Variants in SQOR observed in about 807,000 individuals in gnomAD.
The protein encoded by SQOR is sulfide quinone oxidoreductase.
In SQOR, 39 loss-of-function variants were observed where a neutral mutation model predicts 48.6. The ratio of observed to expected loss-of-function variants is 0.80; its 90% confidence interval spans 0.62 to 1.05. The LOEUF (loss-of-function observed/expected upper bound fraction) is 1.05. Ranked by LOEUF, SQOR falls within the 50% of genes least tolerant of loss-of-function variation. The pLI is 0.00. For synonymous variants in SQOR, 220 were observed against 206.2 expected (o/e 1.07, Z -0.57); for missense variants, 561 against 559.9 (o/e 1.00, Z -0.02).
At chr15:45,639,966 G>C (rs1179032940) in intron 1 of SQOR, among the ~76,000 whole-genome samples, 1 of 152,188 alleles carries the variant, frequency 6.6e-6, no homozygotes, top group Non-Finnish European at 1.5e-5. Flanking sequence ...ACTATCTCAT[G>C]GTCTTACAAT....
At chr15:45,644,109 G>C (rs941569612) in intron 1 of SQOR, among the ~76,000 whole-genome samples, 1 of 151,852 alleles carries the variant, frequency 6.6e-6, no homozygotes, top group Non-Finnish European at 1.5e-5. Context: ...TTTTTGAGAC[G>C]GAGTCTTGCT....
chr15:45,688,571 G>A (rs1455341516), intron 8 of SQOR, among the ~76,000 whole-genome samples, 167 bp downstream of exon 8: 1 of 151,284 alleles, frequency 6.6e-6, no homozygotes, highest in East Asian at 1.9e-4. Flanking sequence ...GAGTGCAATG[G>A]CACGATCTCA....
At chr15:45,638,056 A>C (rs1341007334) in intron 1 of SQOR, among the ~76,000 whole-genome samples, 2 of 152,260 alleles carry the variant, frequency 1.3e-5, no homozygotes, top group African/African-American at 4.8e-5. Context: ...ATAATAATAA[A>C]GAAAAGTAGA....
chr15:45,669,982 G>A lies in SQOR; in HGVS notation c.459+1G>A. ...CGGAATCCAGCTGGACTATGAGAAG[G>A]TACCGTGTGAAACTGTTTCTGTGTT... is the stretch of plus-strand genomic sequence containing the variant. On this transcript the variant is annotated splice_donor_variant, in intron 4 of 9. Transcript: ENST00000260324. LOFTEE classifies it high-confidence loss of function. 1 of 1,613,908 alleles carries A rather than the reference G, an allele frequency of 6.2e-7. No homozygotes were observed. Among genetic ancestry groups the A allele is most frequent in the Non-Finnish European group, 8.5e-7 (1 of 1,179,814 alleles).
At chr15:45,659,988 G>A (rs1358189327) in intron 2 of SQOR, among the ~76,000 whole-genome samples, 5 of 152,220 alleles carry the variant, frequency 3.3e-5, no homozygotes, top group Non-Finnish European at 5.9e-5. Context: ...AAAGCTGTCA[G>A]TGGGCTTAGA....
At chr15:45,682,900 G>A (rs1301568196) in intron 7 of SQOR, among the ~76,000 whole-genome samples, 6 of 151,868 alleles carry the variant, frequency 4.0e-5, no homozygotes, top group Non-Finnish European at 8.8e-5. Flanking sequence ...TGTGGTGGGC[G>A]CCTGCAATCC....
chr15:45,687,181 C>T (rs1890240363), intron 7 of SQOR, among the ~76,000 whole-genome samples: 1 of 152,106 alleles, frequency 6.6e-6, no homozygotes, highest in African/African-American at 2.4e-5. Context: ...GGGTGGAGTG[C>T]AGTGGTGCCA....
At chr15:45,680,556 C>G (rs1595508885) in intron 6 of SQOR, among the ~76,000 whole-genome samples, 1 of 151,978 alleles carries the variant, frequency 6.6e-6, no homozygotes, top group African/African-American at 2.4e-5. Context: ...GCTGGGACAA[C>G]AGGCATGTGC....
At chr15:45,655,246 T>TTGC (rs1258183712) in intron 1 of SQOR, among the ~76,000 whole-genome samples, 2 of 152,200 alleles carry the variant, frequency 1.3e-5, no homozygotes, top group African/African-American at 4.8e-5. Flanking sequence ...TCCTCCTAGA[T>TTGC]TGCTCCTCCT....
intron 3 of SQOR, among the ~76,000 whole-genome samples, chr15:45,665,260 G>A (rs1235398397): frequency 1.3e-5 from 2 of 152,248 alleles, no homozygotes; most frequent in Non-Finnish European, 2.9e-5. Context: ...GGGCAGAGAA[G>A]TTGGTGCAAT....
intron 8 of SQOR, 117 bp downstream of exon 8, chr15:45,688,521 T>C: frequency 3.7e-6 from 3 of 803,582 alleles, no homozygotes; most frequent in Non-Finnish European, 5.6e-6. Context: ...TTTTCTTTTT[T>C]TTTTTTTTGA....
At position 45,682,529 on chromosome 15, in the gene SQOR, A is replaced by G. The variant is rs749032775; in HGVS notation, c.916A>G (p.Thr306Ala). 1 of 1,614,176 alleles carries G rather than the reference A, an allele frequency of 6.2e-7. No individual in the cohort carries two copies. The highest frequency in any genetic ancestry group is 8.5e-7 in the Non-Finnish European group (1 of 1,180,040). ...AATGAGCCCACCAGATGTCCTCAAG[A>G]CCAGTCCTGTGGCTGATGCTGCTGG... Reference protein sequence around the residue: ...PPMSPPDVLKTSPVADAAGWV... With the variant: ...PPMSPPDVLKASPVADAAGWV... The change falls in exon 7 of 10, where the codon ACC (threonine) becomes GCC (alanine). Residue 306 changes from threonine (T) to alanine (A), a missense_variant. Thr to Ala is a moderately conservative substitution (Grantham distance 58). Transcript: ENST00000260324.
chr15:45,668,362 A>G (rs1306672094), intron 3 of SQOR, among the ~76,000 whole-genome samples: 2 of 152,160 alleles, frequency 1.3e-5, no homozygotes, highest in Non-Finnish European at 2.9e-5. Flanking sequence ...CCATTCACCC[A>G]CCAAACATTA....
chr15:45,644,389 A>T (rs674568), intron 1 of SQOR, among the ~76,000 whole-genome samples: 39,795 of 151,948 alleles, frequency 0.26, 6,524 homozygotes, highest in East Asian at 0.64. Flanking sequence ...CCTGGCTTTT[A>T]AGATGCCGCC....
intron 9 of SQOR, among the ~76,000 whole-genome samples, chr15:45,690,767 A>T (rs62008318): frequency 0.096 from 14,551 of 152,286 alleles, 887 homozygotes; most frequent in Middle Eastern, 0.21. Flanking sequence ...ATCCAGGCTC[A>T]CACAGCAAGT....
intron 6 of SQOR, among the ~76,000 whole-genome samples, chr15:45,676,649 G>A (rs1363347425): frequency 6.6e-6 from 1 of 152,074 alleles, no homozygotes; most frequent in Non-Finnish European, 1.5e-5. Flanking sequence ...GGTAAGGGAG[G>A]GCTTCCTCGA....
intron 1 of SQOR, among the ~76,000 whole-genome samples, chr15:45,643,863 G>A (rs753179550): frequency 7.2e-5 from 11 of 152,180 alleles, no homozygotes; most frequent in East Asian, 3.9e-4. Context: ...TGGTGGAGAA[G>A]ATATCTTAAG....
intron 1 of SQOR, among the ~76,000 whole-genome samples, chr15:45,648,360 G>A (rs1199771703): frequency 6.6e-6 from 1 of 151,818 alleles, no homozygotes; most frequent in Non-Finnish European, 1.5e-5. Flanking sequence ...GTATTTTTAG[G>A]AGAGACGGGG....
upstream of SQOR, among the ~76,000 whole-genome samples, chr15:45,633,329 A>G (rs1022585802): frequency 9.9e-5 from 15 of 152,200 alleles, no homozygotes; most frequent in African/African-American, 3.6e-4. Context: ...GAATGTTTCT[A>G]TTGGAATAAA....
Sources: gnomAD v4.1 joint callset for allele counts (sites outside exome capture counted in the v4.1 genomes callset) on GRCh38, gnomAD v4.1.1 for gene constraint, MANE v1.5 for transcripts, NCBI Gene and HGNC (gene_info 2026-07-23, HGNC 2026-07-21) for gene names.